SP100: variants seen among roughly 807,000 people sequenced by gnomAD.
The protein encoded by SP100 is nuclear autoantigen Sp-100.
SP100 carries 84 observed loss-of-function variants against 130.0 expected under a neutral mutation model. The observed-to-expected ratio is 0.65, with a 90% CI of 0.54 to 0.77. The LOEUF is 0.77. Among genes scored for constraint, SP100 ranks in the 30% least tolerant of loss-of-function variants. The pLI, the probability that SP100 is intolerant of heterozygous loss-of-function variation, is 0.00. For synonymous variants in SP100, 331 were observed against 351.7 expected (o/e 0.94, Z 0.66); for missense variants, 978 against 1,052.2 (o/e 0.93, Z 0.97).
chr2:230,422,815 A>T (rs1396239893), intron 2 of SP100, among the ~76,000 whole-genome samples: 1 of 152,152 alleles, frequency 6.6e-6, no homozygotes, highest in African/African-American at 2.4e-5. Context: ...CTGAGATAAC[A>T]CCTACATGGT....
intron 24 of SP100, chr2:230,515,160 A>T: frequency 6.2e-7 from 1 of 1,613,638 alleles, no homozygotes; most frequent in Non-Finnish European, 8.5e-7. Context: ...AGAAGTGCTC[A>T]GAGACATGGA....
rs1044964892 is a variant in SP100, at chr2:230,539,299, C to G, written c.2127C>G (p.Asn709Lys). 2 of 1,613,818 alleles carry G rather than the reference C, an allele frequency of 1.2e-6. No homozygotes were observed. The highest frequency in any genetic ancestry group is 2.7e-5 in the African/African-American group (2 of 74,894). ...PENSNICEVC[N>K]KWGRLFCCDT... ...ACTCAAATATATGTGAGGTGTGCAA[C>G]AAATGGGGACGGCTGTTCTGCTGCG... The change falls in exon 25 of 29, where the codon AAC (asparagine) becomes AAG (lysine). Residue 709 changes from asparagine to lysine, a missense_variant. Coordinates refer to ENST00000340126, the MANE Select transcript of SP100 (RefSeq NM_001080391.2).
intron 24 of SP100, among the ~76,000 whole-genome samples, chr2:230,519,813 A>T (rs1691088660): frequency 6.6e-6 from 1 of 152,198 alleles, no homozygotes; most frequent in African/African-American, 2.4e-5. Context: ...GTAATACATC[A>T]GCTTAGGCAT....
rs191919997 is a variant in SP100 at position 230,484,540 on chromosome 2, C to A, written c.1601-9876C>A. ...AACACGCCATGATGATCGATTTGTT[C>A]AAGGGTCCTCTGTGCCCTCAGTGGA... On this transcript the variant is annotated intron_variant, in intron 17 of 28. Transcript: ENST00000340126. 2.0e-5 allele frequency among the ~76,000 whole-genome samples: 3 copies of A among 152,282 alleles called. No individual in the cohort carries two copies. In the East Asian group the frequency reaches 5.8e-4, roughly 29 times the overall value.
Position 230,421,317 on chromosome 2 carries a change from T to C in SP100, c.107+3652T>C, listed in dbSNP as rs895719002. Reference sequence around the variant, plus strand: ...TCTTGGGGAAACCCTCCTGGAATTATCCATTCCCCTGATTCCATCAGTTCT... The same window carrying C: ...TCTTGGGGAAACCCTCCTGGAATTACCCATTCCCCTGATTCCATCAGTTCT... On this transcript the variant is annotated intron_variant, in intron 2 of 28. Transcript: ENST00000340126. Among the ~76,000 whole-genome samples the C allele has an allele frequency of 4.2e-4, 64 of 152,176 alleles. 2 individuals carry two copies. Among genetic ancestry groups the C allele is most frequent in the Middle Eastern group, 3.2e-3 (1 of 316 alleles).
At chr2:230,525,072 T>C (rs1691358182) in intron 24 of SP100, among the ~76,000 whole-genome samples, 1 of 152,098 alleles carries the variant, frequency 6.6e-6, no homozygotes, top group Non-Finnish European at 1.5e-5. Flanking sequence ...GTAATTTTGG[T>C]AAGGAAGGTT....
chr2:230,454,720 G>A (rs2064181643), intron 8 of SP100, among the ~76,000 whole-genome samples: 1 of 152,132 alleles, frequency 6.6e-6, no homozygotes, highest in South Asian at 2.1e-4. Context: ...GTATCCTGTA[G>A]AATGTCTCAT....
intron 2 of SP100, among the ~76,000 whole-genome samples, chr2:230,418,595 CT>C (rs71691832): frequency 0.16 from 23,425 of 146,848 alleles, 1,958 homozygotes; most frequent in Non-Finnish European, 0.19. Flanking sequence ...AACTTTTTTT[CT>C]TTTTTTTTTT....
At chr2:230,452,825 T>G (rs560015713) in intron 8 of SP100, among the ~76,000 whole-genome samples, 40 of 151,474 alleles carry the variant, frequency 2.6e-4, no homozygotes, top group Admixed American at 2.6e-3. Context: ...GCAGTTTTTT[T>G]TTTTTTTTTT....
At chr2:230,512,051 G>T (rs962496438) in intron 24 of SP100, among the ~76,000 whole-genome samples, 4 of 151,912 alleles carry the variant, frequency 2.6e-5, no homozygotes, top group Non-Finnish European at 5.9e-5. Context: ...ATTTGTTGTA[G>T]AGCCAGGGTC....
chr2:230,444,085 A>T (rs2063584117), intron 3 of SP100, 93 bp from the exon 4 acceptor site: 3 of 943,312 alleles, frequency 3.2e-6, no homozygotes, highest in Admixed American at 5.3e-5. Flanking sequence ...TACGTAGAGA[A>T]ATTAGAATAC....
intron 2 of SP100, among the ~76,000 whole-genome samples, chr2:230,429,419 A>T (rs1185534559): frequency 3.9e-5 from 6 of 152,054 alleles, no homozygotes; most frequent in Admixed American, 3.9e-4. Flanking sequence ...TAATTATAAT[A>T]TTTCTTGATG....
intron 17 of SP100, among the ~76,000 whole-genome samples, chr2:230,481,745 G>A (rs984528652): frequency 3.3e-5 from 5 of 152,176 alleles, no homozygotes; most frequent in African/African-American, 1.2e-4. Context: ...TACAAAGGCT[G>A]CCCCTGATCA....
chr2:230,466,664 G>A (rs541229615), intron 12 of SP100, among the ~76,000 whole-genome samples: 11 of 152,200 alleles, frequency 7.2e-5, no homozygotes, highest in African/African-American at 2.6e-4. Context: ...GGGAAAGGTT[G>A]GGCTCTGTTT....
chr2:230,534,919 G>A (rs557495051), intron 24 of SP100, among the ~76,000 whole-genome samples: 9 of 152,200 alleles, frequency 5.9e-5, no homozygotes, highest in South Asian at 2.1e-4. Context: ...ATAATCAGCC[G>A]GGCATGGTGG....
intron 2 of SP100, among the ~76,000 whole-genome samples, chr2:230,426,182 A>G (rs911978943): frequency 6.6e-6 from 1 of 152,052 alleles, no homozygotes; most frequent in Non-Finnish European, 1.5e-5. Context: ...AATTTTGTTT[A>G]TCTTTTCAAA....
chr2:230,426,000 TTATC>T (rs749739951), intron 2 of SP100, among the ~76,000 whole-genome samples: 8 of 152,274 alleles, frequency 5.3e-5, no homozygotes, highest in Non-Finnish European at 1.0e-4. Flanking sequence ...TTCTAGGACT[TTATC>T]TATTTTTTCT....
intron 17 of SP100, among the ~76,000 whole-genome samples, chr2:230,479,600 G>A (rs1041336121): frequency 2.0e-5 from 3 of 152,140 alleles, no homozygotes; most frequent in East Asian, 1.9e-4. Flanking sequence ...GGGTTAGGAC[G>A]TACAAACAGG....
At position 230,466,184 on chromosome 2, in the gene SP100, CAA is replaced by C. The variant is rs57983447; in HGVS notation, c.1142-99_1142-98del. The C allele has an allele frequency of 7.0e-3, 1,808 of 257,378 alleles. 1 individual carries two copies. Among genetic ancestry groups the C allele is most frequent in the Middle Eastern group, 0.018 (15 of 812 alleles). 15.9% of individuals were successfully genotyped at this position (257,378 alleles called of 1,614,324 possible). Reference sequence around the variant, plus strand: ...TGGGTGATAGAACAAGACTCCATCTCAAAAAAAAAAAAAAAAAAACTTTGTTA... The same window carrying C: ...TGGGTGATAGAACAAGACTCCATCTCAAAAAAAAAAAAAAAAACTTTGTTA... On this transcript the variant is annotated intron_variant, in intron 11 of 28. Coordinates refer to ENST00000340126, the MANE Select transcript of SP100 (RefSeq NM_001080391.2).
Sources: allele counts gnomAD v4.1 joint callset (sites outside exome capture counted in the v4.1 genomes callset), GRCh38; gene constraint gnomAD v4.1.1; transcripts MANE v1.5; gene names NCBI Gene and HGNC (gene_info 2026-07-23, HGNC 2026-07-21).